The following FRAS1 variants were observed in gnomAD, a reference collection of about 807,000 sequenced individuals.
FRAS1 encodes the protein Fraser extracellular matrix complex subunit 1.
A neutral mutation model predicts 435.2 loss-of-function variants in FRAS1; 290 were observed. The ratio of observed to expected loss-of-function variants is 0.67; its 90% CI spans 0.61 to 0.73. The LOEUF is 0.73. Among genes scored for constraint, FRAS1 ranks in the 30% least tolerant of loss-of-function variants. The pLI is 0.00. For synonymous variants in FRAS1, 1,800 were observed against 1,851.0 expected (o/e 0.97, Z 0.71); for missense variants, 4,860 against 5,001.5 (o/e 0.97, Z 0.85).
chr4:78,387,778 T>G (rs1255936022), intron 29 of FRAS1, 77 bp downstream of exon 29: 7 of 1,012,316 alleles, frequency 6.9e-6, no homozygotes, highest in Admixed American at 3.0e-5. Context: ...TTTATGATAC[T>G]CACAAAGTTA....
At chr4:78,144,092 A>G (rs1237099594) in intron 2 of FRAS1, among the ~76,000 whole-genome samples, 1 of 151,994 alleles carries the variant, frequency 6.6e-6, no homozygotes, top group Non-Finnish European at 1.5e-5. Flanking sequence ...TAAAAATACT[A>G]TAAACTGCAG....
At chr4:78,362,544 C>T (rs1017033383) in intron 20 of FRAS1, among the ~76,000 whole-genome samples, 6 of 152,190 alleles carry the variant, frequency 3.9e-5, no homozygotes, top group African/African-American at 1.4e-4. Flanking sequence ...TCAAGGGAAA[C>T]ATGGTGGCAC....
intron 58 of FRAS1, among the ~76,000 whole-genome samples, chr4:78,488,452 C>A (rs1720240739): frequency 6.6e-6 from 1 of 152,160 alleles, no homozygotes; most frequent in Non-Finnish European, 1.5e-5. Flanking sequence ...CATTTAGCAC[C>A]AGATTTGCAC....
At position 78,411,791 on chromosome 4, in the gene FRAS1, G is replaced by A. The variant is rs981862173; in HGVS notation, c.4309-1178G>A. On this transcript the variant is annotated intron_variant, in intron 31 of 73. Transcript: ENST00000512123. ...ATATATTCCGCCACCGCACCCCTCC[G>A]CCACCCCTTTTCTAATTTCCTAAAG... 4.6e-5 allele frequency among the ~76,000 whole-genome samples: 7 copies of A among 151,950 alleles called. No homozygotes were observed. The East Asian group carries it at 7.7e-4, about 17-fold the overall frequency.
intron 29 of FRAS1, 137 bp from the exon 30 acceptor site, chr4:78,400,597 A>G: frequency 1.4e-6 from 1 of 732,386 alleles, no homozygotes; most frequent in African/African-American, 1.9e-5. Context: ...AAGTCTATAG[A>G]GTGACTCTGA....
Position 78,400,645 on chromosome 4 carries a change from C to T in FRAS1, c.3976-89C>T. ...CTCTGTCTTATTAGACGATCTTTAA[C>T]AACAACAGAACTGGATAACTTATGT... On this transcript the variant is annotated intron_variant, in intron 29 of 73. Coordinates refer to ENST00000512123, the MANE Select transcript of FRAS1 (RefSeq NM_025074.7). 5 of 1,313,854 alleles carry T rather than the reference C, an allele frequency of 3.8e-6. No homozygotes were observed. In the South Asian group the frequency reaches 5.8e-5, roughly 15 times the overall value. The allele number at this position is 1,313,854 out of a possible 1,614,324, so 81.4% of individuals were successfully genotyped here.
At chr4:78,425,107 A>G (rs974451490) in intron 35 of FRAS1, among the ~76,000 whole-genome samples, 3 of 140,250 alleles carry the variant, frequency 2.1e-5, no homozygotes, top group Admixed American at 2.1e-4. Flanking sequence ...GGGGATAATA[A>G]TAATAATAAT....
intron 2 of FRAS1, among the ~76,000 whole-genome samples, chr4:78,099,471 G>T (rs1232893980): frequency 6.6e-6 from 1 of 152,104 alleles, no homozygotes; most frequent in East Asian, 1.9e-4. Context: ...AAAAGATGGG[G>T]GTGAAAGGGG....
chr4:78,497,401 A>AG (rs1349954168), intron 60 of FRAS1, among the ~76,000 whole-genome samples: 3 of 151,942 alleles, frequency 2.0e-5, no homozygotes, highest in South Asian at 2.1e-4. Context: ...TAAAAAAAAA[A>AG]AAACTTAAGC....
chr4:78,440,433 G>T (rs1266999923), intron 40 of FRAS1, among the ~76,000 whole-genome samples: 1 of 152,168 alleles, frequency 6.6e-6, no homozygotes, highest in African/African-American at 2.4e-5. Flanking sequence ...CCCAGAGTCA[G>T]AGTGACCTTC....
intron 3 of FRAS1, among the ~76,000 whole-genome samples, chr4:78,244,187 A>C (rs1466374035): frequency 6.6e-6 from 1 of 152,128 alleles, no homozygotes; most frequent in African/African-American, 2.4e-5. Flanking sequence ...ATGATGTTAG[A>C]ATTCTCTTGT....
At chr4:78,246,749 A>G (rs1051830758) in intron 4 of FRAS1, among the ~76,000 whole-genome samples, 5 of 34,428 alleles carry the variant, frequency 1.5e-4, no homozygotes, top group African/African-American at 1.6e-4. Flanking sequence ...ATCTGGGGGA[A>G]AAAAAAAACC....
intron 58 of FRAS1, among the ~76,000 whole-genome samples, chr4:78,483,232 T>C (rs889746433): frequency 3.9e-5 from 6 of 152,192 alleles, no homozygotes; most frequent in Non-Finnish European, 8.8e-5. Context: ...TTTTTTATTT[T>C]AGAAAGCGAA....
At chr4:78,183,732 T>G (rs866202987) in intron 2 of FRAS1, among the ~76,000 whole-genome samples, 1 of 136,940 alleles carries the variant, frequency 7.3e-6, no homozygotes, top group Non-Finnish European at 1.6e-5. Context: ...TTCATTCTCT[T>G]TGTGTGTGTG....
At chr4:78,213,785 T>C (rs1723619774) in intron 2 of FRAS1, among the ~76,000 whole-genome samples, 2 of 152,170 alleles carry the variant, frequency 1.3e-5, no homozygotes, top group Non-Finnish European at 2.9e-5. Context: ...AACTGAGCGC[T>C]CTTCTTGGGC....
chr4:78,092,977 G>A (rs1741609184), intron 2 of FRAS1, among the ~76,000 whole-genome samples: 1 of 152,140 alleles, frequency 6.6e-6, no homozygotes, highest in South Asian at 2.1e-4. Flanking sequence ...GTTTGAGAAG[G>A]AAAAAAACTC....
At chr4:78,063,808 T>C (rs2109845284) in intron 1 of FRAS1, among the ~76,000 whole-genome samples, 1 of 152,320 alleles carries the variant, frequency 6.6e-6, no homozygotes, top group South Asian at 2.1e-4. Flanking sequence ...TATTTGAGGA[T>C]AGTCTTATTT....
intron 24 of FRAS1, 76 bp downstream of exon 24, chr4:78,372,934 A>G (rs1271745220): frequency 3.5e-5 from 51 of 1,448,272 alleles, no homozygotes; most frequent in South Asian, 1.5e-5. Context: ...TCAGAAGGAA[A>G]CAGTGGCAAG....
At chr4:78,226,978 G>T (rs1406639994) in intron 2 of FRAS1, among the ~76,000 whole-genome samples, 3 of 151,992 alleles carry the variant, frequency 2.0e-5, no homozygotes, top group African/African-American at 7.3e-5. Context: ...AATTTTATTT[G>T]TTTGACTTTT....
Sources: gnomAD v4.1 joint callset for allele counts (sites outside exome capture counted in the v4.1 genomes callset) on GRCh38, gnomAD v4.1.1 for gene constraint, MANE v1.5 for transcripts, NCBI Gene and HGNC (gene_info 2026-07-23, HGNC 2026-07-21) for gene names.